ALOX12B: variants seen among roughly 807,000 people sequenced by gnomAD.
The protein encoded by ALOX12B is arachidonate 12-lipoxygenase, 12R-type.
A neutral mutation model predicts 78.9 loss-of-function variants in ALOX12B; 47 were observed. The ratio of observed to expected loss-of-function variants is 0.60; its 90% CI spans 0.47 to 0.76. ALOX12B has a LOEUF of 0.76. Among genes scored for constraint, ALOX12B ranks in the 30% least tolerant of loss-of-function variants. The pLI is 0.00. For synonymous variants in ALOX12B, 370 were observed against 374.5 expected (o/e 0.99, Z 0.14); for missense variants, 805 against 922.6 (o/e 0.87, Z 1.65).
rs768093512 is a variant in ALOX12B, at chr17:8,075,655, C to T, written c.1594G>A (p.Glu532Lys). 2 of 1,614,194 alleles carry T rather than the reference C, an allele frequency of 1.2e-6. No individual in the cohort carries two copies. The highest frequency in any genetic ancestry group is 1.7e-6 in the Non-Finnish European group (2 of 1,180,040). ...ATTTCCTGCACCCAAGACTGCAATT[C>T]CGGATCACCCTCCACGGCTGCGTCA... ...PSDAAVEGDP[E>K]LQSWVQEIFK... The change falls in exon 12 of 15, where the codon GAA becomes AAA. Residue 532 changes from glutamate (E) to lysine (K), a missense_variant. Glu to Lys is a moderately conservative substitution (Grantham distance 56). Coordinates refer to ENST00000647874, the MANE Select transcript of ALOX12B (RefSeq NM_001139.3).
intron 9 of ALOX12B, 103 bp from the exon 10 acceptor site, chr17:8,076,846 C>T: frequency 6.9e-7 from 1 of 1,453,506 alleles, no homozygotes; most frequent in African/African-American, 1.4e-5. Context: ...TCTGGGAAGT[C>T]CCTATGCCAA....
In ALOX12B at chr17:8,072,643, A is replaced by AG; in HGVS notation, c.*127dup. The AG allele has an allele frequency of 1.5e-6, 2 of 1,365,542 alleles. No homozygotes were observed. The highest frequency in any genetic ancestry group is 2.1e-6 in the Non-Finnish European group (2 of 970,046). The allele number at this position is 1,365,542 out of a possible 1,614,324, so 84.6% of individuals were successfully genotyped here. The stretch of plus-strand genomic sequence containing the variant: ...TTCACAGCCAGACCCAGGGAAAGGA[A>AG]GGTTTTTTGTTTTTTTGTTTGTTTG... On this transcript the variant is annotated 3_prime_UTR_variant, in exon 15 of 15. Transcript: ENST00000647874.
chr17:8,076,367 T>C (rs1407713229), intron 10 of ALOX12B, 23 bp from the exon 11 acceptor site: 2 of 1,576,884 alleles, frequency 1.3e-6, no homozygotes, highest in Non-Finnish European at 1.7e-6. Flanking sequence ...AGGCAGATCC[T>C]GGAGCCGGAC....
At position 8,079,684 on chromosome 17, in the gene ALOX12B, G is replaced by T; in HGVS notation, c.927+85C>A. ...GGGTGCGGGCTTGCCTGGGACTGGC[G>T]CGGGCGCCGGAGGTGGGGAGAGACG... On this transcript the variant is annotated intron_variant, in intron 7 of 14. Transcript: ENST00000647874. This position sits in a 1 kb window ranked among gnomAD's most constrained non-coding sequence, Gnocchi z 6.4. 1.9e-6 allele frequency: 3 copies of T among 1,547,040 alleles called. No homozygotes were observed. The highest frequency in any genetic ancestry group is 2.6e-6 in the Non-Finnish European group (3 of 1,145,188).
rs1977090166 is a variant in ALOX12B at position 8,076,685 on chromosome 17, A to G, written c.1334T>C (p.Leu445Pro). Residue 445 changes from leucine (L) to proline (P), a missense_variant, in exon 10 of 15, where the codon CTC (leucine) becomes CCC (proline). Leu to Pro is a moderately conservative substitution (Grantham distance 98, BLOSUM62 -3). Transcript: ENST00000647874. ...VQINSIGRAV[L>P]LNEGGLSAKG... ...GGCAGAGAGCCCCCCCTCATTGAGG[A>G]GAACGGCCCGGCCAATGCTGTTGAT... The G allele has an allele frequency of 6.4e-7, 1 of 1,551,388 alleles. No homozygotes were observed. The highest frequency in any genetic ancestry group is 8.7e-7 in the Non-Finnish European group (1 of 1,147,090).
At position 8,087,538 on chromosome 17, in the gene ALOX12B, G is replaced by A; in HGVS notation, c.-96C>T. The A allele has an allele frequency of 1.3e-6, 2 of 1,593,484 alleles. No homozygotes were observed. The highest frequency in any genetic ancestry group is 1.1e-5 in the South Asian group (1 of 90,470). ...GCAGGCAAGAGAAGCCAGGCACAGA[G>A]TGGAGTGGACAGGGCTGGCCTCCGA... On this transcript the variant is annotated 5_prime_UTR_variant, in exon 1 of 15. Transcript: ENST00000647874.
Position 8,086,394 on chromosome 17 carries a change from G to A in ALOX12B, c.148-174C>T, listed in dbSNP as rs1050052621. Among the ~76,000 whole-genome samples, 9 of 152,266 alleles carry A rather than the reference G, an allele frequency of 5.9e-5. No individual in the cohort carries two copies. The South Asian group carries it at 1.9e-3, about 32-fold the overall frequency. ...ATTGAGCTTCCTTCTGACTTCTCCA[G>A]CTTGGGGGTCTCCTACTGGATTCCT... is the stretch of plus-strand genomic sequence containing the variant. On this transcript the variant is annotated intron_variant, in intron 1 of 14. Coordinates refer to ENST00000647874, the MANE Select transcript of ALOX12B (RefSeq NM_001139.3).
In ALOX12B at chr17:8,077,136, C is replaced by G. The variant is rs1023000914; in HGVS notation, c.1129G>C (p.Asp377His). ...PIFLPSDSEW[D>H]WLLAKTWVRY... ...ACCCACGTCTTGGCTAGCAGCCAGTCCCACTCAGAATCACTGGGCAGGAAG... is the reference window on the plus strand; with the variant it reads ...ACCCACGTCTTGGCTAGCAGCCAGTGCCACTCAGAATCACTGGGCAGGAAG... The change falls in exon 9 of 15, where the codon GAC becomes CAC. Residue 377 changes from aspartate to histidine, a missense_variant. Physicochemically the swap from Asp to His is moderately conservative, Grantham distance 81 (BLOSUM62 -1). Coordinates refer to ENST00000647874, the MANE Select transcript of ALOX12B (RefSeq NM_001139.3). 1.2e-6 allele frequency: 2 copies of G among 1,613,800 alleles called. No homozygotes were observed. The highest frequency in any genetic ancestry group is 2.7e-5 in the African/African-American group (2 of 75,032).
rs772232919 is a variant in ALOX12B, at chr17:8,073,200, G to A, written c.1874C>T (p.Thr625Met). The change falls in exon 14 of 15, where the codon ACG becomes ATG. Residue 625 changes from threonine (T) to methionine (M), a missense_variant. Coordinates refer to ENST00000647874, the MANE Select transcript of ALOX12B (RefSeq NM_001139.3). Reference protein sequence around the residue: ...FMDTLPDVKTTCITLLVLWTL... With the variant: ...FMDTLPDVKTMCITLLVLWTL... The stretch of plus-strand genomic sequence containing the variant: ...CCAGAGCACCAGCAGCGTGATGCAC[G>A]TGGTCTTCACATCCGGCAACGTGTC... 1.9e-6 allele frequency: 3 copies of A among 1,614,182 alleles called. No individual in the cohort carries two copies. In the South Asian group the frequency reaches 3.3e-5, roughly 18 times the overall value.
At chr17:8,081,635 A>C in intron 2 of ALOX12B, 1 of 243,986 alleles carries the variant, frequency 4.1e-6, no homozygotes, top group African/African-American at 2.2e-5. Context: ...TTGTTTTGCT[A>C]TGTCCATGTG....
rs772959657 is a variant in ALOX12B at position 8,086,166 on chromosome 17, G to T, written c.202C>A (p.Arg68Ser). Reference protein sequence around the residue: ...PQDLGELIIIRLHKERYAFFP... With the variant: ...PQDLGELIIISLHKERYAFFP... ...AAGGCGTACCGCTCTTTGTGCAGGC[G>T]GATGATGATGAGCTCACCCAGGTCC... is the stretch of plus-strand genomic sequence containing the variant. The change falls in exon 2 of 15, where the codon CGC becomes AGC. Residue 68 changes from arginine to serine, a missense_variant. By Grantham distance (110) the Arg-to-Ser change is moderately radical. Coordinates refer to ENST00000647874, the MANE Select transcript of ALOX12B (RefSeq NM_001139.3). The T allele has an allele frequency of 3.1e-6, 5 of 1,614,024 alleles. No homozygotes were observed. The highest frequency in any genetic ancestry group is 2.5e-6 in the Non-Finnish European group (3 of 1,180,016).
In ALOX12B at chr17:8,080,385, C is replaced by G. The variant is rs562141674; in HGVS notation, c.651-47G>C. 1.9e-5 allele frequency: 31 copies of G among 1,605,736 alleles called. No homozygotes were observed. In the Admixed American group the frequency reaches 4.3e-4, roughly 22 times the overall value. On this transcript the variant is annotated intron_variant, in intron 5 of 14. Coordinates refer to ENST00000647874, the MANE Select transcript of ALOX12B (RefSeq NM_001139.3). This position sits in a 1 kb window ranked among gnomAD's most constrained non-coding sequence, Gnocchi z 4.8. ...AGAGGCCTTCAGAGGGGCTGCCAAG[C>G]GCCGGCTGGGGCAGGTGGCGGGGCC...
chr17:8,076,352 G>A lies in ALOX12B; in HGVS notation c.1363-8C>T. Reference sequence around the variant, plus strand: ...CACGCCCAGGGACATGCCCTGTGAGGAAGGAGGCAGATCCTGGAGCCGGAC... The same window carrying A: ...CACGCCCAGGGACATGCCCTGTGAGAAAGGAGGCAGATCCTGGAGCCGGAC... On this transcript the variant is annotated splice_region_variant and splice_polypyrimidine_tract_variant and intron_variant, in intron 10 of 14. Coordinates refer to ENST00000647874, the MANE Select transcript of ALOX12B (RefSeq NM_001139.3). 2 of 1,591,902 alleles carry A rather than the reference G, an allele frequency of 1.3e-6. No homozygotes were observed. The highest frequency in any genetic ancestry group is 1.7e-6 in the Non-Finnish European group (2 of 1,168,588).
At position 8,080,874 on chromosome 17, in the gene ALOX12B, G is replaced by C. The variant is rs1409466630; in HGVS notation, c.527+10C>G. 6 of 1,613,764 alleles carry C rather than the reference G, an allele frequency of 3.7e-6. No individual in the cohort carries two copies. The highest frequency in any genetic ancestry group is 3.3e-5 in the South Asian group (3 of 91,080). On this transcript the variant is annotated intron_variant, in intron 4 of 14. Transcript: ENST00000647874. The surrounding 1 kb of genome is among the most constrained non-coding windows in gnomAD (Gnocchi z 4.8). ...CATGGGCGGGGCCCAGCACAGCTTC[G>C]GGTCCTTACTCAGGCCGGTTGGGGT...
Position 8,079,445 on chromosome 17 carries a change from C to A in ALOX12B, c.1022G>T (p.Cys341Phe). The change falls in exon 8 of 15, where the codon TGC becomes TTC. Residue 341 changes from cysteine (C) to phenylalanine (F), a missense_variant. By Grantham distance (205) the Cys-to-Phe change is radical. Coordinates refer to ENST00000647874, the MANE Select transcript of ALOX12B (RefSeq NM_001139.3). This position sits in a 1 kb window ranked among gnomAD's most constrained non-coding sequence, Gnocchi z 6.4. Reference sequence around the variant, plus strand: ...GCCCTCGGGTCCAAAGTGCAGCAGGCAGAGGGGGGCGCAGTGGTGCTGCTT... The same window carrying A: ...GCCCTCGGGTCCAAAGTGCAGCAGGAAGAGGGGGGCGCAGTGGTGCTGCTT... ...GRKQHHCAPL[C>F]LLHFGPEGKM... The A allele has an allele frequency of 6.4e-7, 1 of 1,551,236 alleles. No individual in the cohort carries two copies. Among genetic ancestry groups the A allele is most frequent in the Non-Finnish European group, 8.7e-7 (1 of 1,147,074 alleles).
In ALOX12B at chr17:8,078,829, G is replaced by C. The variant is rs538388522; in HGVS notation, c.1071+567C>G. On this transcript the variant is annotated intron_variant, in intron 8 of 14. Transcript: ENST00000647874. ...AGAAAAATGTGCCCAGGCTGGACGCGGTGGCTCACGCCTGTGATCCCAACA... is the reference window on the plus strand; with the variant it reads ...AGAAAAATGTGCCCAGGCTGGACGCCGTGGCTCACGCCTGTGATCCCAACA... Among the ~76,000 whole-genome samples the C allele has an allele frequency of 5.9e-5, 9 of 152,008 alleles. No homozygotes were observed. In the South Asian group the frequency reaches 1.0e-3, roughly 18 times the overall value.
chr17:8,073,233 G>T lies in ALOX12B; in HGVS notation c.1841C>A (p.Thr614Asn). 1.2e-6 allele frequency: 2 copies of T among 1,614,194 alleles called. No individual in the cohort carries two copies. The highest frequency in any genetic ancestry group is 8.5e-7 in the Non-Finnish European group (1 of 1,180,040). Residue 614 changes from threonine to asparagine, a missense_variant, in exon 14 of 15, where the codon ACC (threonine) becomes AAC (asparagine). By Grantham distance (65) the Thr-to-Asn change is moderately conservative. Transcript: ENST00000647874. ...IQTKGLTTLE[T>N]FMDTLPDVKT... ...CACATCCGGCAACGTGTCCATGAAGGTCTCCAGAGTGGTCAGCCCCTTAGT... is the reference window on the plus strand; with the variant it reads ...CACATCCGGCAACGTGTCCATGAAGTTCTCCAGAGTGGTCAGCCCCTTAGT...
At chr17:8,076,494 T>A in intron 10 of ALOX12B, 150 bp from the exon 11 acceptor site, 2 of 1,240,660 alleles carry the variant, frequency 1.6e-6, no homozygotes, top group Non-Finnish European at 2.3e-6. Flanking sequence ...ACACCAGCCC[T>A]GCCTCTGCTC....
chr17:8,081,212 T>C, intron 2 of ALOX12B, 25 bp from the exon 3 acceptor site: 1 of 1,610,940 alleles, frequency 6.2e-7, no homozygotes, highest in Non-Finnish European at 8.5e-7. Context: ...AGGAGAGGAC[T>C]CAAGGGCTGA....
Sources: gnomAD v4.1 joint callset for allele counts (sites outside exome capture counted in the v4.1 genomes callset) on GRCh38, gnomAD v4.1.1 for gene constraint, Gnocchi (gnomAD v3.1) non-coding constraint, MANE v1.5 for transcripts, NCBI Gene and HGNC (gene_info 2026-07-23, HGNC 2026-07-21) for gene names.